Variants in SLIT3 observed in about 807,000 individuals in gnomAD.
SLIT3 encodes the protein slit guidance ligand 3, also known as slit homolog 3 protein.
SLIT3 carries 68 observed loss-of-function variants against 184.0 expected under a neutral mutation model. That is an observed-to-expected ratio of 0.37 (90% CI 0.30 to 0.45). The LOEUF is 0.45. SLIT3 is among the 20% of genes least tolerant of loss of function. SLIT3 has a pLI of 1.00. For synonymous variants in SLIT3, 831 were observed against 828.6 expected (o/e 1.00, Z -0.05); for missense variants, 1,707 against 2,026.0 (o/e 0.84, Z 3.02).
intron 4 of SLIT3, among the ~76,000 whole-genome samples, chr5:169,004,349 G>A (rs1422831667): frequency 6.6e-6 from 1 of 152,216 alleles, no homozygotes; most frequent in Non-Finnish European, 1.5e-5. Flanking sequence ...CAGCTGGGCT[G>A]CCAGGGTAAA....
intron 20 of SLIT3, among the ~76,000 whole-genome samples, chr5:168,739,569 C>T (rs578036838): frequency 6.6e-6 from 1 of 152,048 alleles, no homozygotes; most frequent in Non-Finnish European, 1.5e-5. Context: ...ATTCTCCTGC[C>T]TCACCCTCCC....
chr5:168,988,718 A>G (rs1054939002), intron 4 of SLIT3, among the ~76,000 whole-genome samples: 2 of 152,186 alleles, frequency 1.3e-5, no homozygotes, highest in African/African-American at 4.8e-5. Flanking sequence ...TTTCACCTGG[A>G]TGGAAAATCT....
At position 168,696,024 on chromosome 5, in the gene SLIT3, T is replaced by G. The variant is rs75702262; in HGVS notation, c.3082+268A>C. The stretch of plus-strand genomic sequence containing the variant: ...CTAGGTCTACAGGGGCCCTAAAGGA[T>G]GTAATGGCCAGCAATGAGATGAACA... On this transcript the variant is annotated intron_variant, in intron 28 of 35. Transcript: ENST00000519560. 7.2e-3 allele frequency among the ~76,000 whole-genome samples: 1,096 copies of G among 152,212 alleles called. 24 individuals are homozygous for G. In the East Asian group the frequency reaches 0.095, roughly 13 times the overall value.
intron 20 of SLIT3, among the ~76,000 whole-genome samples, chr5:168,739,426 C>CT (rs35705916): frequency 0.011 from 1,513 of 143,546 alleles, 7 homozygotes; most frequent in South Asian, 0.035. Context: ...TCTTTTTATT[C>CT]TTTTTTTTTT....
chr5:168,753,843 G>C, intron 17 of SLIT3, 21 bp downstream of exon 17: 2 of 1,606,762 alleles, frequency 1.2e-6, no homozygotes, highest in Non-Finnish European at 8.5e-7. Context: ...TCTTGGCCCA[G>C]GCCCCACCCC....
chr5:169,290,715 C>A (rs1303602675), intron 1 of SLIT3, among the ~76,000 whole-genome samples: 1 of 150,374 alleles, frequency 6.7e-6, no homozygotes, highest in Admixed American at 6.6e-5. Context: ...CGCACTAGGG[C>A]ATATGCTAGG....
chr5:168,823,231 T>C, intron 7 of SLIT3, 29 bp downstream of exon 7: 5 of 1,587,656 alleles, frequency 3.1e-6, no homozygotes, highest in Non-Finnish European at 4.3e-6. Flanking sequence ...AGGGAGAAAA[T>C]GGGAGAGATG....
At chr5:168,880,239 T>C (rs1222425312) in intron 5 of SLIT3, among the ~76,000 whole-genome samples, 1 of 152,202 alleles carries the variant, frequency 6.6e-6, no homozygotes, top group Non-Finnish European at 1.5e-5. Flanking sequence ...CCGGTTCCCC[T>C]TCCAGAACAA....
At chr5:168,934,618 A>C (rs551233287) in intron 4 of SLIT3, among the ~76,000 whole-genome samples, 2 of 152,152 alleles carry the variant, frequency 1.3e-5, no homozygotes. Context: ...TAGAACTGAC[A>C]TGCAAGTTCA....
At chr5:168,940,238 G>A (rs1211651673) in intron 4 of SLIT3, among the ~76,000 whole-genome samples, 3 of 152,170 alleles carry the variant, frequency 2.0e-5, no homozygotes, top group African/African-American at 7.2e-5. Flanking sequence ...GCAGCCCAGG[G>A]CTTAAGAACA....
At chr5:169,082,225 G>A (rs1759095505) in intron 4 of SLIT3, among the ~76,000 whole-genome samples, 1 of 152,128 alleles carries the variant, frequency 6.6e-6, no homozygotes, top group Admixed American at 6.5e-5. Flanking sequence ...TGCTTTCTAT[G>A]CCAAGTCTAA....
intron 5 of SLIT3, among the ~76,000 whole-genome samples, chr5:168,876,306 C>A (rs1249862095): frequency 6.6e-6 from 1 of 152,144 alleles, no homozygotes; most frequent in Non-Finnish European, 1.5e-5. Context: ...CAGCAATCTA[C>A]CCTCCCCACT....
At chr5:169,208,345 C>G (rs529074295) in intron 3 of SLIT3, among the ~76,000 whole-genome samples, 1 of 152,282 alleles carries the variant, frequency 6.6e-6, no homozygotes, top group South Asian at 2.1e-4. Flanking sequence ...GTTTGTAGTT[C>G]TCCTTGCAGA....
At chr5:169,195,251 C>T (rs1032282016) in intron 3 of SLIT3, among the ~76,000 whole-genome samples, 1 of 152,186 alleles carries the variant, frequency 6.6e-6, no homozygotes, top group South Asian at 2.1e-4. Flanking sequence ...CATTTCCCCC[C>T]TTTCTTCCTA....
intron 4 of SLIT3, among the ~76,000 whole-genome samples, chr5:168,955,687 G>A (rs981002002): frequency 2.0e-5 from 3 of 152,210 alleles, no homozygotes; most frequent in Non-Finnish European, 4.4e-5. Context: ...AGCCCAGAAA[G>A]CACAATGGCC....
chr5:168,872,325 C>T (rs1384248349), intron 5 of SLIT3, among the ~76,000 whole-genome samples: 1 of 152,152 alleles, frequency 6.6e-6, no homozygotes, highest in Admixed American at 6.5e-5. Context: ...ATAGTGGATA[C>T]ATGTCATTAC....
chr5:169,106,895 T>G (rs1406739182), intron 4 of SLIT3, among the ~76,000 whole-genome samples: 3 of 152,208 alleles, frequency 2.0e-5, no homozygotes, highest in Admixed American at 1.3e-4. Context: ...AGTAGTACCC[T>G]GTAGAATCTT....
intron 4 of SLIT3, among the ~76,000 whole-genome samples, chr5:169,129,408 C>T (rs879536726): frequency 4.6e-5 from 7 of 151,874 alleles, no homozygotes; most frequent in East Asian, 3.9e-4. Flanking sequence ...AAAAATAAGC[C>T]GGATGTGGTG....
At chr5:169,244,914 G>A in intron 2 of SLIT3, 138 bp from the exon 3 acceptor site, 4 of 742,942 alleles carry the variant, frequency 5.4e-6, no homozygotes, top group African/African-American at 1.7e-5. Context: ...TCAGTCTGAT[G>A]GGACAAGATA....
Sources: gnomAD v4.1 joint callset for allele counts (sites outside exome capture counted in the v4.1 genomes callset) on GRCh38, gnomAD v4.1.1 for gene constraint, MANE v1.5 for transcripts, NCBI Gene and HGNC (gene_info 2026-07-23, HGNC 2026-07-21) for gene names.